PIK3CD: variants seen among roughly 807,000 people sequenced by gnomAD.
PIK3CD encodes phosphatidylinositol 4,5-bisphosphate 3-kinase catalytic subunit delta isoform.
A neutral mutation model predicts 122.9 loss-of-function variants in PIK3CD; 20 were observed. The observed-to-expected ratio is 0.16, with a 90% CI of 0.11 to 0.24. The LOEUF (loss-of-function observed/expected upper bound fraction) is 0.24. Ranked by LOEUF, PIK3CD falls within the 10% of genes least tolerant of loss-of-function variation. The pLI is 1.00. For synonymous variants in PIK3CD, 596 were observed against 593.4 expected, an observed-to-expected ratio of 1.00 and a Z score of -0.06; for missense variants, 787 against 1,406.3, an observed-to-expected ratio of 0.56 and a Z score of 7.04.
chr1:9,640,585 A>G, the PIK3CD span, among the ~76,000 whole-genome samples: 1 of 150,604 alleles, frequency 6.6e-6, no homozygotes. Flanking sequence ...GTCTCAAAAA[A>G]AGAAAAAAAA....
intron 1 of PIK3CD, among the ~76,000 whole-genome samples, chr1:9,677,503 G>GGT (rs1392831352): frequency 6.6e-6 from 1 of 151,948 alleles, no homozygotes; most frequent in Non-Finnish European, 1.5e-5. Context: ...AAATTAGCCA[G>GGT]GTGTGGTGGC....
At chr1:9,703,153 C>T (rs978284447) in intron 2 of PIK3CD, among the ~76,000 whole-genome samples, 2 of 152,226 alleles carry the variant, frequency 1.3e-5, no homozygotes, top group Non-Finnish European at 2.9e-5. Flanking sequence ...GTCGTTTCTG[C>T]TACCCCAAGA....
At chr1:9,654,486 A>C (rs201683448) in intron 1 of PIK3CD, 6 of 1,244,986 alleles carry the variant, frequency 4.8e-6, no homozygotes, top group Non-Finnish European at 6.5e-6. Context: ...GGTTGTGCGA[A>C]AGCCAGCCCG....
In PIK3CD at chr1:9,728,826, T is replaced by TAAACATGAA. The variant is rs1650110430; in HGVS notation, c.*1780_*1781insAAACATGAA. ...TTTTAAGTCATTTCATGTTTCTGTC[T>TAAACATGAA]GGGGAAGGCAAGTTAGTTAAGTATC... On this transcript the variant is annotated 3_prime_UTR_variant, in exon 24 of 24. Transcript: ENST00000377346. 6.6e-6 allele frequency: 1 copy of TAAACATGAA among 152,210 alleles called. No homozygotes were observed. Among genetic ancestry groups the TAAACATGAA allele is most frequent in the Non-Finnish European group, 1.5e-5 (1 of 68,034 alleles). The allele number at this position is 152,210 out of a possible 1,614,324, so 9.4% of individuals were successfully genotyped here.
At chr1:9,677,456 G>T (rs1293761436) in intron 1 of PIK3CD, among the ~76,000 whole-genome samples, 1 of 151,450 alleles carries the variant, frequency 6.6e-6, no homozygotes, top group Admixed American at 6.6e-5. Context: ...GACCAGCCTG[G>T]CCAACATGGT....
upstream of PIK3CD, among the ~76,000 whole-genome samples, chr1:9,650,934 C>T (rs1644659928): frequency 6.6e-6 from 1 of 152,190 alleles, no homozygotes; most frequent in Non-Finnish European, 1.5e-5. Flanking sequence ...GCCTCCATTT[C>T]CCTGGCTCAA....
chr1:9,708,928 A>G (rs1646945647), intron 2 of PIK3CD, among the ~76,000 whole-genome samples: 1 of 152,154 alleles, frequency 6.6e-6, no homozygotes, highest in Admixed American at 6.5e-5. Context: ...GAGGCGGGGA[A>G]GGGAGAAGGG....
rs1302262241 is a variant in PIK3CD, at chr1:9,700,221, C to T, written c.-33+8650C>T. On this transcript the variant is annotated intron_variant, in intron 2 of 23. Coordinates refer to ENST00000377346, the MANE Select transcript of PIK3CD (RefSeq NM_005026.5). This position sits in a 1 kb window ranked among gnomAD's most constrained non-coding sequence, Gnocchi z 5.1. ...TCTCGGCTCATTGCAGCCTCCCCCTCGCAGGTTCAAGTGATTCTCGTGGCT... is the reference window on the plus strand; with the variant it reads ...TCTCGGCTCATTGCAGCCTCCCCCTTGCAGGTTCAAGTGATTCTCGTGGCT... Among the ~76,000 whole-genome samples, 2 of 150,416 alleles carry T rather than the reference C, an allele frequency of 1.3e-5. No homozygotes were observed. Among genetic ancestry groups the T allele is most frequent in the Non-Finnish European group, 3.0e-5 (2 of 67,462 alleles).
At chr1:9,649,990 A>C (rs1044118589), upstream of PIK3CD, among the ~76,000 whole-genome samples, 1 of 152,224 alleles carries the variant, frequency 6.6e-6, no homozygotes, top group African/African-American at 2.4e-5. Flanking sequence ...AATTTACATA[A>C]GGCAGATTAA....
rs769421641 is a variant in PIK3CD at position 9,721,524 on chromosome 1, A to G, written c.1892A>G (p.Lys631Arg). Residue 631 changes from lysine (K) to arginine (R), a missense_variant, in exon 15 of 24, where the codon AAA (lysine) becomes AGA (arginine). Lys to Arg is a conservative substitution (Grantham distance 26). This residue lies in a region of PIK3CD where 592 missense variants were observed against 920.6 expected (regional missense o/e 0.64). Transcript: ENST00000377346. Reference protein sequence around the residue: ...YESYLDCELTKFLLDRALANR... With the variant: ...YESYLDCELTRFLLDRALANR... The stretch of plus-strand genomic sequence containing the variant: ...TCCTACCTGGACTGCGAGCTGACCA[A>G]ATTCCTGCTGGACCGGGCCCTGGCC... 4.0e-5 allele frequency: 64 copies of G among 1,613,694 alleles called. No individual in the cohort carries two copies. The highest frequency in any genetic ancestry group is 5.4e-5 in the Non-Finnish European group (64 of 1,180,012).
At chr1:9,702,244 C>T (rs1646661828) in intron 2 of PIK3CD, among the ~76,000 whole-genome samples, 1 of 151,962 alleles carries the variant, frequency 6.6e-6, no homozygotes, top group Non-Finnish European at 1.5e-5. Context: ...ATCTACCTGC[C>T]TTGGCCTCCC....
At chr1:9,680,071 C>T (rs1256895696) in intron 1 of PIK3CD, among the ~76,000 whole-genome samples, 3 of 152,108 alleles carry the variant, frequency 2.0e-5, no homozygotes, top group Non-Finnish European at 2.9e-5. Flanking sequence ...GTGATCCACC[C>T]GCATTGGCAT....
chr1:9,718,891 C>A lies in PIK3CD; in HGVS notation c.1218C>A (p.Ser406=). The change falls in exon 9 of 24, where the codon TCC becomes TCA. Residue 406 remains serine, a synonymous_variant. Transcript: ENST00000377346. The surrounding 1 kb of genome is among the most constrained non-coding windows in gnomAD (Gnocchi z 7.2). The stretch of plus-strand genomic sequence containing the variant: ...TCGAGAAAGCCAAGAAGGCTCGCTC[C>A]ACCAAGAAGAAGTCCAAGAAGGCGG... The part of the protein sequence containing the change: ...AVIEKAKKAR[S]TKKKSKKADC... 3 of 1,613,026 alleles carry A rather than the reference C, an allele frequency of 1.9e-6. No homozygotes were observed. Among genetic ancestry groups the A allele is most frequent in the Non-Finnish European group, 2.5e-6 (3 of 1,180,012 alleles).
intron 1 of PIK3CD, among the ~76,000 whole-genome samples, chr1:9,673,099 CTTTT>C (rs541906039): frequency 7.3e-6 from 1 of 136,450 alleles, no homozygotes. Flanking sequence ...TTTAATCCTA[CTTTT>C]TTTTTTTTTT....
rs769070246 is a variant in PIK3CD, at chr1:9,718,858, C to T, written c.1185C>T (p.Tyr395=). The T allele has an allele frequency of 1.5e-5, 25 of 1,613,032 alleles. No homozygotes were observed. The South Asian group carries it at 1.9e-4, about 12-fold the overall frequency. The change falls in exon 9 of 24, where the codon TAC becomes TAT. Residue 395 remains tyrosine (Y), a synonymous_variant. Transcript: ENST00000377346. The surrounding 1 kb of genome is among the most constrained non-coding windows in gnomAD (Gnocchi z 7.2). ...PRMARLCFAL[Y]AVIEKAKKAR... ...TGGCCCGTCTCTGCTTTGCGCTGTA[C>T]GCCGTGATCGAGAAAGCCAAGAAGG...
At chr1:9,692,417 C>T (rs899455181) in intron 2 of PIK3CD, among the ~76,000 whole-genome samples, 8 of 152,240 alleles carry the variant, frequency 5.3e-5, no homozygotes, top group Admixed American at 3.3e-4. Flanking sequence ...TTGATGATTG[C>T]GGATCTCTTT....
intron 1 of PIK3CD, among the ~76,000 whole-genome samples, chr1:9,674,317 TG>T (rs1462420301): frequency 6.6e-6 from 1 of 152,224 alleles, no homozygotes; most frequent in East Asian, 1.9e-4. Flanking sequence ...TTGCCGTTTC[TG>T]TATCTAATAA....
At chr1:9,664,966 G>A (rs529014446) in intron 1 of PIK3CD, among the ~76,000 whole-genome samples, 1 of 152,136 alleles carries the variant, frequency 6.6e-6, no homozygotes, top group Non-Finnish European at 1.5e-5. Flanking sequence ...ACACTGGGAG[G>A]CCAAGATGGG....
In PIK3CD at chr1:9,718,448, T is replaced by C. The variant is rs573582785; in HGVS notation, c.1021-246T>C. 6.6e-6 allele frequency among the ~76,000 whole-genome samples: 1 copy of C among 152,022 alleles called. No homozygotes were observed. Among genetic ancestry groups the C allele is most frequent in the Non-Finnish European group, 1.5e-5 (1 of 67,978 alleles). Reference sequence around the variant, plus strand: ...TGAGGCCTGGAGTGGGGAATGGACATGCCCCGAGGTCCCCAGAGTTGGGGT... The same window carrying C: ...TGAGGCCTGGAGTGGGGAATGGACACGCCCCGAGGTCCCCAGAGTTGGGGT... On this transcript the variant is annotated intron_variant, in intron 8 of 23. Transcript: ENST00000377346. The surrounding 1 kb of genome is among the most constrained non-coding windows in gnomAD (Gnocchi z 7.2).
Sources: allele counts gnomAD v4.1 joint callset (sites outside exome capture counted in the v4.1 genomes callset), GRCh38; gene constraint gnomAD v4.1.1; regional missense constraint gnomAD v4.1.1; non-coding constraint Gnocchi (gnomAD v3.1); transcripts MANE v1.5; gene names NCBI Gene and HGNC (gene_info 2026-07-23, HGNC 2026-07-21).